The following PLD1 variants were observed in gnomAD, a reference collection of about 807,000 sequenced individuals.
PLD1 encodes the protein phospholipase D1, also known as choline phosphatase 1.
PLD1 carries 112 observed loss-of-function variants against 137.1 expected under a neutral mutation model. The ratio of observed to expected loss-of-function variants is 0.82; its 90% confidence interval spans 0.70 to 0.96. PLD1 has a LOEUF of 0.96. PLD1 is among the 40% of genes least tolerant of loss of function. PLD1 has a pLI of 0.00. For synonymous variants in PLD1, 431 were observed against 454.7 expected (o/e 0.95, Z 0.66); for missense variants, 1,321 against 1,342.0 (o/e 0.98, Z 0.24).
intron 26 of PLD1, among the ~76,000 whole-genome samples, chr3:171,603,514 A>AAAATCATGGT (rs1369112421): frequency 6.6e-6 from 1 of 152,218 alleles, no homozygotes; most frequent in Admixed American, 6.5e-5. Context: ...TTCCATTTAA[A>AAAATCATGGT]AAATCATGGT....
rs532527475 is a variant in PLD1, at chr3:171,672,178, C to CA, written c.2229+2321dup. The stretch of plus-strand genomic sequence containing the variant: ...CCTTACTGTCACACCAGCATTTACT[C>CA]AGAGACCATACCTTGCACTGTAACT... On this transcript the variant is annotated intron_variant, in intron 19 of 26. Coordinates refer to ENST00000351298, the MANE Select transcript of PLD1 (RefSeq NM_002662.5). Among the ~76,000 whole-genome samples the CA allele has an allele frequency of 1.9e-4, 29 of 152,344 alleles. No homozygotes were observed. The East Asian group carries it at 5.6e-3, about 29-fold the overall frequency.
At position 171,635,965 on chromosome 3, in the gene PLD1, C is replaced by CTTTTTTTTTTTTTTTTTTTTTTTTTT. The variant is rs71178231; in HGVS notation, c.2593+6849_2593+6874dup. Among the ~76,000 whole-genome samples the CTTTTTTTTTTTTTTTTTTTTTTTTTT allele has an allele frequency of 1.8e-3, 87 of 49,280 alleles. 7 individuals carry two copies. Among genetic ancestry groups the CTTTTTTTTTTTTTTTTTTTTTTTTTT allele is most frequent in the Non-Finnish European group, 2.7e-3 (60 of 22,588 alleles). The allele number at this position is 49,280 out of a possible 152,430, so 32.3% of individuals were successfully genotyped here. A position where few individuals can be genotyped will look rare whatever the true frequency, so the allele number is the denominator to read the frequency against. ...ATGGTATGAGGTAGGGGTTCAACTT[C>CTTTTTTTTTTTTTTTTTTTTTTTTTT]TTTTTTTTTTTTTTTTTTTTTTTTT... On this transcript the variant is annotated intron_variant, in intron 23 of 26. Transcript: ENST00000351298.
chr3:171,756,063 A>G (rs1721007033), intron 1 of PLD1, among the ~76,000 whole-genome samples: 1 of 152,166 alleles, frequency 6.6e-6, no homozygotes, highest in South Asian at 2.1e-4. Context: ...CAAATTCTAA[A>G]TATCTCTCCC....
intron 12 of PLD1, among the ~76,000 whole-genome samples, chr3:171,693,483 C>A (rs973478290): frequency 6.6e-6 from 1 of 151,954 alleles, no homozygotes; most frequent in Non-Finnish European, 1.5e-5. Context: ...TCATGGATCC[C>A]CCTCCAATGT....
chr3:171,800,626 T>C lies in PLD1; in HGVS notation c.-32+9773A>G, dbSNP rs1255111979. ...CTGCTGTCTACATCCCTGGACCCAA[T>C]CTCTACTCCAATGCCAGCCACCTGT... is the stretch of plus-strand genomic sequence containing the variant. On this transcript the variant is annotated intron_variant, in intron 1 of 26. Coordinates refer to ENST00000351298, the MANE Select transcript of PLD1 (RefSeq NM_002662.5). 2.6e-5 allele frequency among the ~76,000 whole-genome samples: 4 copies of C among 152,318 alleles called. No individual in the cohort carries two copies. In the East Asian group the frequency reaches 7.7e-4, roughly 29 times the overall value.
intron 16 of PLD1, 151 bp downstream of exon 16, chr3:171,686,534 G>A: frequency 1.7e-6 from 1 of 576,842 alleles, no homozygotes; most frequent in South Asian, 2.6e-5. Flanking sequence ...ACTACAGAAT[G>A]CTTTGCACAG....
At chr3:171,626,698 C>T (rs1230156558) in intron 23 of PLD1, among the ~76,000 whole-genome samples, 3 of 151,706 alleles carry the variant, frequency 2.0e-5, no homozygotes, top group Non-Finnish European at 4.4e-5. Flanking sequence ...GGCCAATATT[C>T]AACATTCTTA....
At chr3:171,632,594 A>T (rs1734764292) in intron 23 of PLD1, among the ~76,000 whole-genome samples, 1 of 152,156 alleles carries the variant, frequency 6.6e-6, no homozygotes. Context: ...TCAGGGTAAA[A>T]AAAAAAATCC....
Position 171,680,907 on chromosome 3 carries a change from G to A in PLD1, c.1868-3213C>T, listed in dbSNP as rs138989405. On this transcript the variant is annotated intron_variant, in intron 16 of 26. Transcript: ENST00000351298. ...TTCTTGAACTCACTGACACAACCTT[G>A]TCAGACTCCCTGTGTCTCTACTATA... Among the ~76,000 whole-genome samples, 259 of 152,260 alleles carry A rather than the reference G, an allele frequency of 1.7e-3. 2 individuals carry two copies. The highest frequency in any genetic ancestry group is 5.9e-3 in the African/African-American group (244 of 41,544).
intron 6 of PLD1, among the ~76,000 whole-genome samples, chr3:171,728,770 T>A (rs1024194210): frequency 1.3e-5 from 2 of 152,192 alleles, no homozygotes. Flanking sequence ...TTGGAGTATA[T>A]CATAACAAAA....
intron 18 of PLD1, among the ~76,000 whole-genome samples, chr3:171,675,241 T>G (rs1057375281): frequency 6.6e-6 from 1 of 152,188 alleles, no homozygotes; most frequent in African/African-American, 2.4e-5. Context: ...AACTAATTTT[T>G]TACTGATTAT....
At position 171,620,504 on chromosome 3, in the gene PLD1, T is replaced by C; in HGVS notation, c.2610A>G (p.Ile870Met). ...QLKAELGNQW[I>M]NYISFCGLRT... Reference sequence around the variant, plus strand: ...TAAGACCACAGAATGATATGTAATTTATCCACTGATTACCAACTGCAAATT... The same window carrying C: ...TAAGACCACAGAATGATATGTAATTCATCCACTGATTACCAACTGCAAATT... Residue 870 changes from isoleucine (I) to methionine (M), a missense_variant, in exon 24 of 27, where the codon ATA becomes ATG. Coordinates refer to ENST00000351298, the MANE Select transcript of PLD1 (RefSeq NM_002662.5). The C allele has an allele frequency of 6.3e-7, 1 of 1,583,488 alleles. No homozygotes were observed. Among genetic ancestry groups the C allele is most frequent in the Non-Finnish European group, 8.7e-7 (1 of 1,155,340 alleles).
chr3:171,785,214 G>C (rs1722960235), intron 1 of PLD1, among the ~76,000 whole-genome samples: 1 of 152,264 alleles, frequency 6.6e-6, no homozygotes, highest in Non-Finnish European at 1.5e-5. Context: ...CCTCTATTCT[G>C]TTCTCTATTC....
chr3:171,648,981 CTA>C lies in PLD1; in HGVS notation c.2430-3960_2430-3959del, dbSNP rs577277277. Among the ~76,000 whole-genome samples, 63 of 152,196 alleles carry C rather than the reference CTA, an allele frequency of 4.1e-4. 1 individual carries two copies. Among genetic ancestry groups the C allele is most frequent in the African/African-American group, 1.5e-3 (62 of 41,538 alleles). On this transcript the variant is annotated intron_variant, in intron 21 of 26. Coordinates refer to ENST00000351298, the MANE Select transcript of PLD1 (RefSeq NM_002662.5). Reference sequence around the variant, plus strand: ...TAATTTTTTTTCTATTTCAAAGTAACTATTTTGATATTTACGCTGACTAACAA... The same window carrying C: ...TAATTTTTTTTCTATTTCAAAGTAACTTTTGATATTTACGCTGACTAACAA...
At chr3:171,643,631 A>G (rs1244617424) in intron 22 of PLD1, among the ~76,000 whole-genome samples, 2 of 152,162 alleles carry the variant, frequency 1.3e-5, no homozygotes, top group African/African-American at 4.8e-5. Context: ...AGGCAAGAAA[A>G]TAGTCATAGA....
chr3:171,640,983 G>A (rs758191723), intron 23 of PLD1, among the ~76,000 whole-genome samples: 7 of 152,154 alleles, frequency 4.6e-5, no homozygotes, highest in Non-Finnish European at 7.4e-5. Flanking sequence ...CACTGAGCAA[G>A]GTCTGAGTCA....
At chr3:171,737,002 T>C (rs1381535243) in intron 3 of PLD1, among the ~76,000 whole-genome samples, 1 of 152,250 alleles carries the variant, frequency 6.6e-6, no homozygotes, top group African/African-American at 2.4e-5. Flanking sequence ...GATGGTTTTC[T>C]AGGAACCAAT....
chr3:171,747,169 C>T (rs188440133), intron 1 of PLD1, among the ~76,000 whole-genome samples: 16 of 152,242 alleles, frequency 1.1e-4, no homozygotes, highest in East Asian at 9.7e-4. Context: ...GAACAAACTC[C>T]GGACACACCA....
intron 6 of PLD1, among the ~76,000 whole-genome samples, chr3:171,732,848 T>C (rs1437834284): frequency 6.6e-6 from 1 of 152,106 alleles, no homozygotes; most frequent in African/African-American, 2.4e-5. Flanking sequence ...ACCCACTCCC[T>C]CCCTGCTTGC....
Sources: allele counts gnomAD v4.1 joint callset (sites outside exome capture counted in the v4.1 genomes callset), GRCh38; gene constraint gnomAD v4.1.1; transcripts MANE v1.5; gene names NCBI Gene and HGNC (gene_info 2026-07-23, HGNC 2026-07-21).